The following NAV1 variants were observed in gnomAD, a reference collection of about 807,000 sequenced individuals.
NAV1 encodes pore membrane and/or filament interacting like protein 3.
NAV1 carries 18 observed loss-of-function variants against 175.2 expected under a neutral mutation model. That is an observed-to-expected ratio of 0.10 (90% CI 0.07 to 0.15). The LOEUF is 0.15. Ranked by LOEUF, NAV1 falls within the 10% of genes least tolerant of loss-of-function variation. The pLI, the probability that NAV1 is intolerant of heterozygous loss-of-function variation, is 1.00. For synonymous variants in NAV1, 897 were observed against 978.7 expected, an observed-to-expected ratio of 0.92 and a Z score of 1.56; for missense variants, 1,731 against 2,436.6, an observed-to-expected ratio of 0.71 and a Z score of 6.10.
rs16849321 is a variant in NAV1 at position 201,773,391 on chromosome 1, T to C, written c.1227-7030T>C. Among the ~76,000 whole-genome samples, 1,758 of 152,244 alleles carry C rather than the reference T, an allele frequency of 0.012. 100 individuals are homozygous for C. The East Asian group carries it at 0.15, about 13-fold the overall frequency. ...TTTTATCATGTCAGTAACAGAGAGC[T>C]AATGAAGGTTTTGCTAAGTGCCACA... On this transcript the variant is annotated intron_variant, in intron 3 of 29. Transcript: ENST00000367296.
exon 2 of NAV1, among the ~76,000 whole-genome samples, chr1:201,588,577 T>C (rs899080643): frequency 6.7e-6 from 1 of 150,140 alleles, no homozygotes; most frequent in Non-Finnish European, 1.5e-5. Context: ...TGGTCTGAAC[T>C]CCTAGCCTCA....
intron 15 of NAV1, among the ~76,000 whole-genome samples, chr1:201,802,157 T>G (rs111760557): frequency 7.6e-6 from 1 of 132,210 alleles, no homozygotes; most frequent in African/African-American, 2.7e-5. Context: ...AAAAAAAAAT[T>G]AGCCGGGCGT....
In NAV1 at chr1:201,701,009, C is replaced by CAAAAAA. The variant is rs386369321; in HGVS notation, c.758-11790_758-11785dup. Reference sequence around the variant, plus strand: ...CTGGGGACAGAGTGAGACTCTGTCTCAAAAAAAAAAAAAAAAAAAAAAAGA... The same window carrying CAAAAAA: ...CTGGGGACAGAGTGAGACTCTGTCTCAAAAAAAAAAAAAAAAAAAAAAAAAAAAAGA... On this transcript the variant is annotated intron_variant, in intron 1 of 29. Transcript: ENST00000367296. Among the ~76,000 whole-genome samples the CAAAAAA allele has an allele frequency of 1.6e-3, 83 of 52,734 alleles. 5 individuals are homozygous for CAAAAAA. The highest frequency in any genetic ancestry group is 6.7e-3 in the African/African-American group (76 of 11,414). 34.6% of individuals were successfully genotyped at this position (52,734 alleles called of 152,430 possible). A position where few individuals can be genotyped will look rare whatever the true frequency, so the allele number is the denominator to read the frequency against.
At chr1:201,777,693 A>G (rs916586221) in intron 3 of NAV1, among the ~76,000 whole-genome samples, 2 of 151,884 alleles carry the variant, frequency 1.3e-5, no homozygotes, top group Non-Finnish European at 1.5e-5. Flanking sequence ...GCTCACACCT[A>G]TAATCCCAGC....
intron 1 of NAV1, among the ~76,000 whole-genome samples, chr1:201,624,100 T>G (rs1668255391): frequency 6.6e-6 from 1 of 152,232 alleles, no homozygotes; most frequent in Non-Finnish European, 1.5e-5. Context: ...TGTACCTGTC[T>G]GTCTGTCTCT....
At chr1:201,543,730 C>A (rs1665585121) in intron 1 of NAV1, among the ~76,000 whole-genome samples, 1 of 152,130 alleles carries the variant, frequency 6.6e-6, no homozygotes, top group African/African-American at 2.4e-5. Flanking sequence ...GCATTAAATG[C>A]ATTTGCATTG....
rs1571917920 is a variant in NAV1, at chr1:201,739,663, G to GC, written c.1226+20913dup. 8.0e-6 allele frequency: 4 copies of GC among 498,836 alleles called. No individual in the cohort carries two copies. In the East Asian group the frequency reaches 3.5e-4, roughly 43 times the overall value. 30.9% of individuals were successfully genotyped at this position (498,836 alleles called of 1,614,324 possible). A position where few individuals can be genotyped will look rare whatever the true frequency, so the allele number is the denominator to read the frequency against. ...TCGGAGCAGCCCAGGTGGAGGTCGA[G>GC]CCCCCAGCCCCGTCGGCACCTCCAG... On this transcript the variant is annotated intron_variant, in intron 3 of 29. Coordinates refer to ENST00000367296, the Ensembl canonical transcript of NAV1.
At chr1:201,766,645 G>C (rs2102653208) in intron 3 of NAV1, among the ~76,000 whole-genome samples, 1 of 152,162 alleles carries the variant, frequency 6.6e-6, no homozygotes, top group South Asian at 2.1e-4. Context: ...GCCATCAAAG[G>C]GATCAGCTGA....
chr1:201,635,998 T>C (rs1334702696), intron 2 of NAV1, among the ~76,000 whole-genome samples: 1 of 152,238 alleles, frequency 6.6e-6, no homozygotes, highest in Admixed American at 6.5e-5. Flanking sequence ...GCGGAACTAT[T>C]TGCTAAACTT....
intron 1 of NAV1, among the ~76,000 whole-genome samples, chr1:201,677,169 T>G (rs575865883): frequency 6.7e-6 from 1 of 149,680 alleles, no homozygotes; most frequent in Non-Finnish European, 1.5e-5. Context: ...GAAGAATCGC[T>G]TGAACTTGGT....
At chr1:201,789,690 CT>C (rs759757157) in intron 10 of NAV1, 49 bp from the exon 15 acceptor site, 1 of 1,577,576 alleles carries the variant, frequency 6.3e-7, no homozygotes, top group Non-Finnish European at 8.7e-7. Flanking sequence ...CCAAAAACCC[CT>C]TGTCCCTGGA....
rs1349566289 is a variant in NAV1, at chr1:201,642,792, C to T, written c.5-5842C>T. ...TTCTCTTCTCTTTTCTTTTCTTTCT[C>T]GGAGTCTTGCTCTGTCGCCCAGGCT... is the stretch of plus-strand genomic sequence containing the variant. On this transcript the variant is annotated intron_variant, in intron 2 of 29. Transcript: ENST00000367302. Among the ~76,000 whole-genome samples the T allele has an allele frequency of 4.1e-5, 6 of 147,418 alleles. 1 individual carries two copies. The highest frequency in any genetic ancestry group is 2.1e-4 in the East Asian group (1 of 4,806).
At chr1:201,593,670 T>C (rs1571836972) in intron 2 of NAV1, among the ~76,000 whole-genome samples, 3 of 152,318 alleles carry the variant, frequency 2.0e-5, no homozygotes, top group South Asian at 4.1e-4. Context: ...TATGTTGCAA[T>C]GATTGCAACA....
chr1:201,711,261 G>T (rs2102467542), intron 1 of NAV1, among the ~76,000 whole-genome samples: 1 of 152,338 alleles, frequency 6.6e-6, no homozygotes, highest in East Asian at 1.9e-4. Flanking sequence ...GAGAGGATGT[G>T]GGGGTGGAGA....
chr1:201,794,161 C>CT (rs1239790394), intron 14 of NAV1: 3 of 656,396 alleles, frequency 4.6e-6, no homozygotes, highest in African/African-American at 3.6e-5. Context: ...ACGCTGTTTT[C>CT]TTTTTTTGAG....
Position 201,552,786 on chromosome 1 carries a change from C to T in NAV1, c.-144+13444C>T, listed in dbSNP as rs115642950. On this transcript the variant is annotated intron_variant, in intron 1 of 33. Transcript: ENST00000685211. ...ACACCGGACAGGCAAAGGGATGGAGCGAAGTCAAGGATGCCTCATTTAGCC... is the reference window on the plus strand; with the variant it reads ...ACACCGGACAGGCAAAGGGATGGAGTGAAGTCAAGGATGCCTCATTTAGCC... Among the ~76,000 whole-genome samples, 751 of 152,236 alleles carry T rather than the reference C, an allele frequency of 4.9e-3. 5 individuals carry two copies. The highest frequency in any genetic ancestry group is 0.017 in the African/African-American group (692 of 41,532).
intron 2 of NAV1, among the ~76,000 whole-genome samples, chr1:201,590,493 A>C (rs1667155578): frequency 6.6e-6 from 1 of 152,232 alleles, no homozygotes. Context: ...CTACCATCAC[A>C]ATTATGATTT....
chr1:201,546,223 G>A (rs1219424140), intron 1 of NAV1, among the ~76,000 whole-genome samples: 2 of 152,192 alleles, frequency 1.3e-5, no homozygotes, highest in Admixed American at 6.5e-5. Flanking sequence ...TGGATTGCAC[G>A]GCATACCCTG....
At chr1:201,622,816 G>A, upstream of NAV1, 1 of 985,154 alleles carries the variant, frequency 1.0e-6, no homozygotes, top group African/African-American at 1.7e-5. Context: ...TTGTGGGGAT[G>A]TGCCTGACGG....
Sources: allele counts gnomAD v4.1 joint callset (sites outside exome capture counted in the v4.1 genomes callset), GRCh38; gene constraint gnomAD v4.1.1; transcripts MANE v1.5; gene names NCBI Gene and HGNC (gene_info 2026-07-23, HGNC 2026-07-21).